Variants in SYNJ2BP observed in about 807,000 individuals in gnomAD.
SYNJ2BP encodes synaptojanin-2-binding protein.
Under a neutral mutation model 16.9 loss-of-function variants are expected in SYNJ2BP, and 10 were observed. That is an observed-to-expected ratio of 0.59 (90% confidence interval 0.36 to 1.00). The LOEUF (loss-of-function observed/expected upper bound fraction) is 1.00, where lower values mean the gene tolerates loss of function less well. SYNJ2BP is among the 50% of genes least tolerant of loss of function. SYNJ2BP has a pLI of 0.01. For synonymous variants in SYNJ2BP, 54 were observed against 68.4 expected (o/e 0.79, Z 1.04); for missense variants, 162 against 186.7 (o/e 0.87, Z 0.77).
At position 70,398,860 on chromosome 14, in the gene SYNJ2BP, C is replaced by T. The variant is rs758201233; in HGVS notation, c.65-10254G>A. 6.2e-4 allele frequency among the ~76,000 whole-genome samples: 95 copies of T among 152,136 alleles called. 2 individuals are homozygous for T. The highest frequency in any genetic ancestry group is 3.9e-4 in the East Asian group (2 of 5,182). ...GACATCACCACAAGCTCCCTGCTGT[C>T]GCCCTGGCGCTGAGGGGTGGCCTGG... On this transcript the variant is annotated intron_variant, in intron 1 of 3. Coordinates refer to ENST00000256366, the MANE Select transcript of SYNJ2BP (RefSeq NM_018373.3).
chr14:70,401,939 T>C (rs758564452), intron 1 of SYNJ2BP, among the ~76,000 whole-genome samples: 8 of 152,208 alleles, frequency 5.3e-5, no homozygotes, highest in Non-Finnish European at 7.3e-5. Flanking sequence ...CATGAGCCAC[T>C]GTTCCTGGCT....
chr14:70,374,501 T>C (rs1018996382), intron 3 of SYNJ2BP, among the ~76,000 whole-genome samples: 4 of 152,258 alleles, frequency 2.6e-5, no homozygotes. Context: ...ACATGGAACC[T>C]GTTTTGTGAA....
Position 70,375,699 on chromosome 14 carries a change from C to A in SYNJ2BP, c.274G>T (p.Val92Leu), listed in dbSNP as rs1203916995. 6.2e-7 allele frequency: 1 copy of A among 1,614,120 alleles called. No homozygotes were observed. Among genetic ancestry groups the A allele is most frequent in the Non-Finnish European group, 8.5e-7 (1 of 1,179,986 alleles). The change falls in exon 3 of 4, where the codon GTG (valine) becomes TTG (leucine). Residue 92 changes from valine (V) to leucine (L), a missense_variant. Transcript: ENST00000256366. Reference sequence around the variant, plus strand: ...ACCCTGTGCTGCACTCTCAGAGACACAGCATAGCCTGCATTACGAAAGAGG... The same window carrying A: ...ACCCTGTGCTGCACTCTCAGAGACAAAGCATAGCCTGCATTACGAAAGAGG... ...VDLFRNAGYA[V>L]SLRVQHRLQV...
intron 1 of SYNJ2BP, among the ~76,000 whole-genome samples, chr14:70,408,561 T>C (rs1888400487): frequency 6.6e-6 from 1 of 151,540 alleles, no homozygotes; most frequent in South Asian, 2.1e-4. Context: ...TAATCCCAGC[T>C]ACTTGGGAGG....
chr14:70,387,414 T>G (rs956137979), intron 2 of SYNJ2BP, among the ~76,000 whole-genome samples: 1 of 152,234 alleles, frequency 6.6e-6, no homozygotes, highest in African/African-American at 2.4e-5. Flanking sequence ...TGTTCTAATT[T>G]ATTTTAAGAC....
chr14:70,375,443 G>A (rs1031756683), intron 3 of SYNJ2BP, among the ~76,000 whole-genome samples: 4 of 151,230 alleles, frequency 2.6e-5, no homozygotes, highest in Admixed American at 6.6e-5. Flanking sequence ...GAAGTGATCC[G>A]CCCACCTTGG....
intron 1 of SYNJ2BP, among the ~76,000 whole-genome samples, chr14:70,416,696 GA>G (rs2139459235): frequency 1.3e-5 from 2 of 152,278 alleles, no homozygotes; most frequent in Non-Finnish European, 2.9e-5. Context: ...CATCCAACTG[GA>G]TTTTGAGGTG....
In SYNJ2BP at chr14:70,370,503, G is replaced by C. The variant is rs1887495585; in HGVS notation, c.*2488C>G. On this transcript the variant is annotated 3_prime_UTR_variant, in exon 4 of 4. Transcript: ENST00000256366. Reference sequence around the variant, plus strand: ...TCAAAAGGCACTTTATGTCAGGACTGTTTAAAGCAAGTTTCTCCCTATACC... The same window carrying C: ...TCAAAAGGCACTTTATGTCAGGACTCTTTAAAGCAAGTTTCTCCCTATACC... The C allele has an allele frequency of 6.6e-6, 1 of 152,184 alleles. No homozygotes were observed. The highest frequency in any genetic ancestry group is 2.4e-5 in the African/African-American group (1 of 41,434). 9.4% of individuals were successfully genotyped at this position (152,184 alleles called of 1,614,324 possible). A position where few individuals can be genotyped will look rare whatever the true frequency, so the allele number is the denominator to read the frequency against.
chr14:70,398,302 C>G (rs562461492), intron 1 of SYNJ2BP, among the ~76,000 whole-genome samples: 4 of 152,282 alleles, frequency 2.6e-5, no homozygotes, highest in African/African-American at 9.6e-5. Context: ...CCCACCTTGG[C>G]CTGAAGGTGG....
Position 70,394,603 on chromosome 14 carries a change from A to G in SYNJ2BP, c.65-5997T>C, listed in dbSNP as rs547938396. ...CTAAATGCAAAATAGTAAAGGTAGCATAAGAATGACACCACTATAGGATTA... is the reference window on the plus strand; with the variant it reads ...CTAAATGCAAAATAGTAAAGGTAGCGTAAGAATGACACCACTATAGGATTA... On this transcript the variant is annotated intron_variant, in intron 1 of 3. Transcript: ENST00000256366. Among the ~76,000 whole-genome samples, 206 of 152,260 alleles carry G rather than the reference A, an allele frequency of 1.4e-3. 1 individual carries two copies. The highest frequency in any genetic ancestry group is 2.4e-3 in the Non-Finnish European group (164 of 68,012).
intron 1 of SYNJ2BP, among the ~76,000 whole-genome samples, chr14:70,415,503 A>G (rs971685179): frequency 6.6e-6 from 1 of 150,918 alleles, no homozygotes; most frequent in African/African-American, 2.4e-5. Context: ...GTGGGCTGAG[A>G]TCGTGCCACT....
intron 2 of SYNJ2BP, among the ~76,000 whole-genome samples, chr14:70,379,200 C>T (rs540586140): frequency 3.9e-5 from 6 of 152,214 alleles, no homozygotes; most frequent in African/African-American, 1.2e-4. Flanking sequence ...AGGTTGGAAC[C>T]GATTCAAATA....
rs8015850 is a variant in SYNJ2BP at position 70,400,595 on chromosome 14, C to T, written c.65-11989G>A. 9.5e-3 allele frequency among the ~76,000 whole-genome samples: 1,439 copies of T among 152,200 alleles called. 27 individuals carry two copies. The highest frequency in any genetic ancestry group is 0.032 in the African/African-American group (1,345 of 41,546). On this transcript the variant is annotated intron_variant, in intron 1 of 3. Coordinates refer to ENST00000256366, the MANE Select transcript of SYNJ2BP (RefSeq NM_018373.3). ...TTTAAGATTAACCTTTACAAATCTTCCACAACTTGTTTAAACATTTAGCTT... is the reference window on the plus strand; with the variant it reads ...TTTAAGATTAACCTTTACAAATCTTTCACAACTTGTTTAAACATTTAGCTT...
At chr14:70,389,920 T>C (rs1404330165) in intron 1 of SYNJ2BP, among the ~76,000 whole-genome samples, 3 of 152,242 alleles carry the variant, frequency 2.0e-5, no homozygotes, top group Admixed American at 1.3e-4. Context: ...CATATAATTT[T>C]AGTTATGCAA....
intron 2 of SYNJ2BP, among the ~76,000 whole-genome samples, chr14:70,381,924 A>T (rs1777898460): frequency 6.6e-6 from 1 of 152,208 alleles, no homozygotes; most frequent in African/African-American, 2.4e-5. Flanking sequence ...AATATTGTGA[A>T]ATCAATCCAG....
intron 2 of SYNJ2BP, among the ~76,000 whole-genome samples, chr14:70,381,388 T>C (rs7146414): frequency 0.87 from 132,970 of 152,250 alleles, 58,130 homozygotes; most frequent in East Asian, 0.93. Flanking sequence ...AAGATAATTC[T>C]TTCTTAAAGA....
chr14:70,375,562 T>A, intron 3 of SYNJ2BP, 114 bp downstream of exon 3: 3 of 1,343,474 alleles, frequency 2.2e-6, no homozygotes, highest in Non-Finnish European at 3.0e-6. Flanking sequence ...GAGAAACTCT[T>A]CAGGGGAGTG....
At position 70,370,000 on chromosome 14, in the gene SYNJ2BP, TTA is replaced by T. The variant is rs1248477389; in HGVS notation, c.*2989_*2990del. 1 of 152,228 alleles carries T rather than the reference TTA, an allele frequency of 6.6e-6. No homozygotes were observed. Among genetic ancestry groups the T allele is most frequent in the East Asian group, 1.9e-4 (1 of 5,202 alleles). 9.4% of individuals were successfully genotyped at this position (152,228 alleles called of 1,614,324 possible). On this transcript the variant is annotated 3_prime_UTR_variant, in exon 4 of 4. Coordinates refer to ENST00000256366, the MANE Select transcript of SYNJ2BP (RefSeq NM_018373.3). ...GGATCCTGATACCTCATCTATAATT[TTA>T]GTTTTCTATAGAATCAATAATATAA...
intron 1 of SYNJ2BP, among the ~76,000 whole-genome samples, chr14:70,413,931 G>A (rs1214725974): frequency 6.6e-6 from 1 of 152,112 alleles, no homozygotes; most frequent in African/African-American, 2.4e-5. Flanking sequence ...CAAAGAGTGG[G>A]CAATGCTGCC....
Sources: gnomAD v4.1 joint callset for allele counts (sites outside exome capture counted in the v4.1 genomes callset) on GRCh38, gnomAD v4.1.1 for gene constraint, MANE v1.5 for transcripts, NCBI Gene and HGNC (gene_info 2026-07-23, HGNC 2026-07-21) for gene names.